The following MAX variants were observed in gnomAD, a reference collection of about 807,000 sequenced individuals.
MAX encodes the protein MYC associated transcriptional regulator X.
Under a neutral mutation model 22.3 loss-of-function variants are expected in MAX, and 3 were observed. The observed-to-expected ratio is 0.13, with a 90% CI of 0.06 to 0.35. The LOEUF is 0.35. Among genes scored for constraint, MAX ranks in the 10% least tolerant of loss-of-function variants. The pLI, the probability that MAX is intolerant of heterozygous loss-of-function variation, is 1.00. For synonymous variants in MAX, 72 were observed against 77.7 expected (o/e 0.93, Z 0.39); for missense variants, 119 against 209.4 (o/e 0.57, Z 2.66).
chr14:65,062,493 T>A lies in MAX; in HGVS notation c.171+31215A>T, dbSNP rs554781282. 6.5e-6 allele frequency: 1 copy of A among 152,776 alleles called. No individual in the cohort carries two copies. Among genetic ancestry groups the A allele is most frequent in the South Asian group, 2.1e-4 (1 of 4,828 alleles). 9.5% of individuals were successfully genotyped at this position (152,776 alleles called of 1,614,324 possible). A position where few individuals can be genotyped will look rare whatever the true frequency, so the allele number is the denominator to read the frequency against. Reference sequence around the variant, plus strand: ...GGGCCATCTGTCTACTGACCTGGCCTTCATGTAAGCAGCTGTGGGCTGCGG... The same window carrying A: ...GGGCCATCTGTCTACTGACCTGGCCATCATGTAAGCAGCTGTGGGCTGCGG... On this transcript the variant is annotated intron_variant, in intron 3 of 3. Coordinates refer to the MAX transcript ENST00000341653. This position sits in a 1 kb window ranked among gnomAD's most constrained non-coding sequence, Gnocchi z 4.3.
At chr14:65,015,341 G>T (rs2061750285) in intron 3 of MAX, among the ~76,000 whole-genome samples, 1 of 150,544 alleles carries the variant, frequency 6.6e-6, no homozygotes, top group African/African-American at 2.4e-5. Flanking sequence ...GACCTTAAAT[G>T]ATCCACCCAC....
chr14:65,100,970 C>A (rs747714652), intron 2 of MAX, among the ~76,000 whole-genome samples: 17 of 152,198 alleles, frequency 1.1e-4, no homozygotes, highest in Non-Finnish European at 2.2e-4. Flanking sequence ...TATACCTTTT[C>A]TTCAAATACA....
intron 3 of MAX, among the ~76,000 whole-genome samples, chr14:65,016,019 C>A (rs1305912196): frequency 6.6e-6 from 1 of 152,182 alleles, no homozygotes; most frequent in African/African-American, 2.4e-5. Flanking sequence ...CTCTGAGAGA[C>A]AAGATTTTGC....
At chr14:65,090,101 T>G (rs539365183) in intron 3 of MAX, 3 of 152,312 alleles carry the variant, frequency 2.0e-5, no homozygotes, top group African/African-American at 7.2e-5. Context: ...CTTAATACCC[T>G]GCATTTCAGT....
chr14:65,051,331 T>G (rs1270519539), intron 3 of MAX, among the ~76,000 whole-genome samples: 1 of 152,236 alleles, frequency 6.6e-6, no homozygotes, highest in African/African-American at 2.4e-5. Flanking sequence ...CAATTTAGGC[T>G]GGGTGCGGTG....
rs2061923281 is a variant in MAX at position 65,023,434 on chromosome 14, C to T, written c.172-17150G>A. On this transcript the variant is annotated intron_variant, in intron 3 of 3. Transcript: ENST00000341653. The surrounding 1 kb of genome is among the most constrained non-coding windows in gnomAD (Gnocchi z 4.1). ...ACTCCTTATAAGGCTGAGAGGCAAT[C>T]GCTGATATCCCTGCTTTGAACTTGA... Among the ~76,000 whole-genome samples the T allele has an allele frequency of 6.6e-6, 1 of 152,174 alleles. No individual in the cohort carries two copies. The highest frequency in any genetic ancestry group is 1.5e-5 in the Non-Finnish European group (1 of 68,032).
intron 3 of MAX, among the ~76,000 whole-genome samples, chr14:65,081,461 C>T (rs576706511): frequency 3.4e-4 from 52 of 152,306 alleles, no homozygotes; most frequent in South Asian, 6.2e-4. Flanking sequence ...GGGGGCAGGG[C>T]CTTCCTTGTC....
At chr14:65,101,241 C>T (rs1254459421) in intron 2 of MAX, among the ~76,000 whole-genome samples, 3 of 152,232 alleles carry the variant, frequency 2.0e-5, no homozygotes, top group Admixed American at 6.5e-5. Flanking sequence ...CAGAATGCTG[C>T]ATTTCTCATT....
chr14:65,073,928 G>A (rs2063013490), downstream of MAX, among the ~76,000 whole-genome samples: 1 of 152,190 alleles, frequency 6.6e-6, no homozygotes, highest in Admixed American at 6.5e-5. Context: ...CTGGTTTACT[G>A]AAATCTAGAG....
intron 3 of MAX, among the ~76,000 whole-genome samples, chr14:65,058,254 G>A (rs1486993120): frequency 1.4e-5 from 2 of 146,348 alleles, no homozygotes; most frequent in Non-Finnish European, 1.5e-5. Flanking sequence ...TAAAGGACTA[G>A]CATTTTTTTT....
chr14:65,049,823 C>T lies in MAX; in HGVS notation c.172-43539G>A, dbSNP rs867027383. On this transcript the variant is annotated intron_variant, in intron 3 of 3. Coordinates refer to the MAX transcript ENST00000341653. Reference sequence around the variant, plus strand: ...TTGTTGAGATATAATTCCCATACCACACAACTTACCTATTCAGTTGCGAAC... The same window carrying T: ...TTGTTGAGATATAATTCCCATACCATACAACTTACCTATTCAGTTGCGAAC... Among the ~76,000 whole-genome samples the T allele has an allele frequency of 7.2e-5, 11 of 152,144 alleles. No homozygotes were observed. The Middle Eastern group carries it at 0.02, about 282-fold the overall frequency.
In MAX at chr14:65,014,306, A is replaced by G. The variant is rs1179450310; in HGVS notation, c.172-8022T>C. ...TTAATTAGGATCAAGAGCCGTCTGC[A>G]TTTTGCCTTTGGAAGCCTTTCCTAG... On this transcript the variant is annotated intron_variant, in intron 3 of 3. Coordinates refer to the MAX transcript ENST00000341653. The surrounding 1 kb of genome is among the most constrained non-coding windows in gnomAD (Gnocchi z 5.1). Among the ~76,000 whole-genome samples, 1 of 152,182 alleles carries G rather than the reference A, an allele frequency of 6.6e-6. No homozygotes were observed. The highest frequency in any genetic ancestry group is 2.4e-5 in the African/African-American group (1 of 41,440).
intron 3 of MAX, among the ~76,000 whole-genome samples, chr14:65,060,941 T>C (rs1396582063): frequency 6.6e-6 from 1 of 151,682 alleles, no homozygotes; most frequent in African/African-American, 2.4e-5. Context: ...CATAATATGT[T>C]GTAAGTATTT....
At chr14:65,067,436 C>G (rs567761344) in intron 3 of MAX, among the ~76,000 whole-genome samples, 1 of 152,248 alleles carries the variant, frequency 6.6e-6, no homozygotes, top group African/African-American at 2.4e-5. Context: ...AAGATCCCAC[C>G]CAGGACACTA....
rs2062096078 is a variant in MAX at position 65,031,992 on chromosome 14, G to GTC, written c.172-25709_172-25708insGA. Among the ~76,000 whole-genome samples the GTC allele has an allele frequency of 6.6e-6, 1 of 151,202 alleles. No homozygotes were observed. Among genetic ancestry groups the GTC allele is most frequent in the Admixed American group, 6.6e-5 (1 of 15,142 alleles). The stretch of plus-strand genomic sequence containing the variant: ...TTTTTCATTTAACGTGTGTGTGTGT[G>GTC]TGTGTGTGTGTGTGTGTGTGTGTGT... On this transcript the variant is annotated intron_variant, in intron 3 of 3. Coordinates refer to the MAX transcript ENST00000341653. The surrounding 1 kb of genome is among the most constrained non-coding windows in gnomAD (Gnocchi z 4.6).
Position 65,078,481 on chromosome 14 carries a change from G to T in MAX, c.172-445C>A, listed in dbSNP as rs999283990. Among the ~76,000 whole-genome samples the T allele has an allele frequency of 4.6e-5, 7 of 151,808 alleles. No individual in the cohort carries two copies. The highest frequency in any genetic ancestry group is 2.0e-4 in the Admixed American group (3 of 15,252). Reference sequence around the variant, plus strand: ...GGCCTCCCAAAATGCTGGGATTATAGGTCACAGGTGTGAGCCACTGCGCCC... The same window carrying T: ...GGCCTCCCAAAATGCTGGGATTATATGTCACAGGTGTGAGCCACTGCGCCC... On this transcript the variant is annotated intron_variant, in intron 3 of 4. Coordinates refer to ENST00000358664, the MANE Select transcript of MAX (RefSeq NM_002382.5). This position sits in a 1 kb window ranked among gnomAD's most constrained non-coding sequence, Gnocchi z 6.4.
rs373475795 is a variant in MAX, at chr14:65,078,978, G to A, written c.172-942C>T. Among the ~76,000 whole-genome samples the A allele has an allele frequency of 8.1e-4, 124 of 152,310 alleles. No individual in the cohort carries two copies. The highest frequency in any genetic ancestry group is 2.8e-3 in the African/African-American group (117 of 41,566). On this transcript the variant is annotated intron_variant, in intron 3 of 4. Coordinates refer to ENST00000358664, the MANE Select transcript of MAX (RefSeq NM_002382.5). This position sits in a 1 kb window ranked among gnomAD's most constrained non-coding sequence, Gnocchi z 6.4. ...ACCAGCTGCACAGTAGCATGGCCTG[G>A]CTTTAAACTCAGAGCCATCCGACTC...
intron 3 of MAX, among the ~76,000 whole-genome samples, chr14:65,024,289 T>C (rs1240597934): frequency 1.3e-5 from 2 of 151,956 alleles, no homozygotes; most frequent in Non-Finnish European, 2.9e-5. Context: ...CCATAGTGAT[T>C]CCGGTTTAAT....
At chr14:65,099,494 G>C (rs145338614) in intron 2 of MAX, among the ~76,000 whole-genome samples, 3 of 149,060 alleles carry the variant, frequency 2.0e-5, no homozygotes, top group African/African-American at 7.4e-5. Flanking sequence ...ATTTTGAAAA[G>C]CAGAAAGCTT....
Sources: allele counts gnomAD v4.1 joint callset (sites outside exome capture counted in the v4.1 genomes callset), GRCh38; gene constraint gnomAD v4.1.1; non-coding constraint Gnocchi (gnomAD v3.1); transcripts MANE v1.5; gene names NCBI Gene and HGNC (gene_info 2026-07-23, HGNC 2026-07-21).